The following PTPRN2 variants were observed in gnomAD, a reference collection of about 807,000 sequenced individuals.
The protein encoded by PTPRN2 is receptor-type tyrosine-protein phosphatase N2.
A neutral mutation model predicts 118.8 loss-of-function variants in PTPRN2; 74 were observed. That is an observed-to-expected ratio of 0.62 (90% CI 0.52 to 0.76). The LOEUF (loss-of-function observed/expected upper bound fraction) is 0.76, where lower values mean the gene tolerates loss of function less well. PTPRN2 is among the 30% of genes least tolerant of loss of function. The probability of loss-of-function intolerance (pLI) is 0.00; values close to 1 mark genes in which losing one functional copy is unlikely to be tolerated. For missense variants in PTPRN2, 1,481 were observed against 1,394.4 expected (o/e 1.06, Z -0.99); for synonymous variants, 641 against 608.0 (o/e 1.05, Z -0.80).
chr7:158,274,148 G>A (rs562709690), intron 3 of PTPRN2, among the ~76,000 whole-genome samples: 20 of 108,128 alleles, frequency 1.8e-4, no homozygotes, highest in South Asian at 3.3e-4. Context: ...ACAGGGAGCC[G>A]CAGACACAGG....
chr7:158,409,000 A>AG (rs1434709153), intron 2 of PTPRN2, among the ~76,000 whole-genome samples: 1 of 151,504 alleles, frequency 6.6e-6, no homozygotes, highest in Admixed American at 6.6e-5. Flanking sequence ...CCTTAATTAA[A>AG]AAAAAAAAAA....
chr7:157,973,931 A>G (rs1802536531), intron 11 of PTPRN2, among the ~76,000 whole-genome samples: 1 of 152,188 alleles, frequency 6.6e-6, no homozygotes, highest in Admixed American at 6.5e-5. Context: ...GGGACTGGAA[A>G]CACATTTCTC....
intron 11 of PTPRN2, among the ~76,000 whole-genome samples, chr7:157,946,330 T>C (rs1800487643): frequency 6.6e-6 from 1 of 151,314 alleles, no homozygotes; most frequent in Admixed American, 6.6e-5. Context: ...GAGACAAGAG[T>C]TTCCTCAATC....
chr7:158,195,100 C>T (rs111245669), intron 4 of PTPRN2, among the ~76,000 whole-genome samples: 1,703 of 152,290 alleles, frequency 0.011, 21 homozygotes, highest in Non-Finnish European at 0.015. Context: ...GCCAGAACGG[C>T]GGCTTTACCA....
intron 11 of PTPRN2, among the ~76,000 whole-genome samples, chr7:157,941,088 C>CAA (rs1563258770): frequency 3.1e-5 from 2 of 64,140 alleles, no homozygotes; most frequent in Non-Finnish European, 3.3e-5. Flanking sequence ...AACACCCTCC[C>CAA]CCGTGACACT....
At chr7:158,283,770 C>G (rs1410850081) in intron 3 of PTPRN2, among the ~76,000 whole-genome samples, 1 of 152,104 alleles carries the variant, frequency 6.6e-6, no homozygotes, top group Non-Finnish European at 1.5e-5. Context: ...TCAGGCCACT[C>G]AAAGCCACCA....
At chr7:157,961,065 T>C (rs1801498846) in intron 11 of PTPRN2, among the ~76,000 whole-genome samples, 1 of 152,004 alleles carries the variant, frequency 6.6e-6, no homozygotes, top group African/African-American at 2.4e-5. Flanking sequence ...ACCAAAACCA[T>C]GGAAGTGAAA....
Position 157,794,280 on chromosome 7 carries a change from C to T in PTPRN2, c.1788+104393G>A, listed in dbSNP as rs985996103. Among the ~76,000 whole-genome samples the T allele has an allele frequency of 1.3e-5, 2 of 151,546 alleles. No individual in the cohort carries two copies. The highest frequency in any genetic ancestry group is 4.8e-5 in the African/African-American group (2 of 41,250). The stretch of plus-strand genomic sequence containing the variant: ...CCTCCCCTCGTTCTCTGCTCCGACC[C>T]GGGCTCACACCTCCCCTCGTTCTCT... On this transcript the variant is annotated intron_variant, in intron 12 of 22. Coordinates refer to ENST00000389418, the MANE Select transcript of PTPRN2 (RefSeq NM_002847.5). This position sits in a 1 kb window ranked among gnomAD's most constrained non-coding sequence, Gnocchi z 5.2.
intron 12 of PTPRN2, among the ~76,000 whole-genome samples, chr7:157,769,215 G>A (rs957671806): frequency 6.6e-6 from 1 of 152,122 alleles, no homozygotes; most frequent in Non-Finnish European, 1.5e-5. Flanking sequence ...CCCGTGCCAA[G>A]CAAGGACCAA....
intron 2 of PTPRN2, among the ~76,000 whole-genome samples, chr7:158,334,856 T>A (rs1451790197): frequency 3.2e-5 from 1 of 31,554 alleles, no homozygotes; most frequent in African/African-American, 1.0e-4. Flanking sequence ...CAGACGTCAC[T>A]CACACCCACA....
chr7:157,918,055 A>T (rs1798508472), intron 11 of PTPRN2, among the ~76,000 whole-genome samples: 1 of 152,176 alleles, frequency 6.6e-6, no homozygotes, highest in Non-Finnish European at 1.5e-5. Flanking sequence ...TACCCCTAAA[A>T]GATTCTTCCT....
At chr7:158,511,380 G>A (rs979338861) in intron 1 of PTPRN2, among the ~76,000 whole-genome samples, 4 of 152,302 alleles carry the variant, frequency 2.6e-5, no homozygotes, top group African/African-American at 4.8e-5. Context: ...AAATGCGAAC[G>A]TGCACATCAC....
Position 158,314,675 on chromosome 7 carries a change from G to A in PTPRN2, c.277+2144C>T, listed in dbSNP as rs867812861. ...GGCGCCCTGGCCCACACCGCCACAC[G>A]CGTTTCTCTCAACCCGCAGTTTGGC... On this transcript the variant is annotated intron_variant, in intron 3 of 22. Transcript: ENST00000389418. Among the ~76,000 whole-genome samples the A allele has an allele frequency of 7.2e-4, 13 of 18,084 alleles. 1 individual carries two copies. In the South Asian group the frequency reaches 0.019, roughly 26 times the overall value. The allele number at this position is 18,084 out of a possible 152,430, so 11.9% of individuals were successfully genotyped here. A position where few individuals can be genotyped will look rare whatever the true frequency, so the allele number is the denominator to read the frequency against.
At chr7:158,016,461 A>C (rs1166726191) in intron 11 of PTPRN2, among the ~76,000 whole-genome samples, 1 of 152,262 alleles carries the variant, frequency 6.6e-6, no homozygotes. Flanking sequence ...CGCGGAGCCC[A>C]GCATGGCTGA....
chr7:158,374,992 G>C (rs1029147524), intron 2 of PTPRN2, among the ~76,000 whole-genome samples: 1 of 152,206 alleles, frequency 6.6e-6, no homozygotes, highest in African/African-American at 2.4e-5. Flanking sequence ...ATCCCTTCCT[G>C]CTTAAAAACA....
intron 2 of PTPRN2, among the ~76,000 whole-genome samples, chr7:158,404,937 C>CT (rs1813281895): frequency 7.0e-6 from 1 of 143,140 alleles, no homozygotes; most frequent in Admixed American, 6.9e-5. Context: ...GCTCCCCGGC[C>CT]CCAGCTCCCC....
At chr7:157,891,722 G>T (rs1027301221) in intron 12 of PTPRN2, among the ~76,000 whole-genome samples, 1 of 152,132 alleles carries the variant, frequency 6.6e-6, no homozygotes, top group Non-Finnish European at 1.5e-5. Context: ...AGCCCAGTGA[G>T]CAGCAGGCAA....
intron 3 of PTPRN2, among the ~76,000 whole-genome samples, chr7:158,248,860 G>GCA (rs545698310): frequency 0.029 from 372 of 12,908 alleles, 6 homozygotes; most frequent in African/African-American, 0.11. Flanking sequence ...ACATACACAT[G>GCA]CACACACCAC....
Position 158,296,914 on chromosome 7 carries a change from A to T in PTPRN2, c.277+19905T>A, listed in dbSNP as rs185547356. ...GACCATGGGAAGACCACAGGTGGAC[A>T]CGCCCGGCACTCAGGGAACTCTAAG... On this transcript the variant is annotated intron_variant, in intron 3 of 22. Transcript: ENST00000389418. 2.6e-4 allele frequency among the ~76,000 whole-genome samples: 40 copies of T among 152,300 alleles called. 1 individual carries two copies. Among genetic ancestry groups the T allele is most frequent in the Admixed American group, 2.5e-3 (38 of 15,304 alleles).
Sources: allele counts gnomAD v4.1 joint callset (sites outside exome capture counted in the v4.1 genomes callset), GRCh38; gene constraint gnomAD v4.1.1; non-coding constraint Gnocchi (gnomAD v3.1); transcripts MANE v1.5; gene names NCBI Gene and HGNC (gene_info 2026-07-23, HGNC 2026-07-21).